The following GABRB2 variants were observed in gnomAD, a reference collection of about 807,000 sequenced individuals.
GABRB2 encodes gamma-aminobutyric acid receptor subunit beta-2.
A neutral mutation model predicts 54.7 loss-of-function variants in GABRB2; 16 were observed. The observed-to-expected ratio is 0.29, with a 90% CI of 0.20 to 0.44. The LOEUF is 0.44. GABRB2 is among the 20% of genes least tolerant of loss of function. The pLI is 1.00. For synonymous variants in GABRB2, 244 were observed against 233.8 expected (o/e 1.04, Z -0.40); for missense variants, 355 against 644.0 (o/e 0.55, Z 4.86).
At chr5:161,307,028 G>T (rs951094820) in intron 9 of GABRB2, among the ~76,000 whole-genome samples, 4 of 152,124 alleles carry the variant, frequency 2.6e-5, no homozygotes, top group African/African-American at 7.2e-5. Flanking sequence ...TCTTACTAGC[G>T]CATGGTTGAT....
chr5:161,393,987 T>A (rs6864191), intron 5 of GABRB2, among the ~76,000 whole-genome samples: 1,775 of 152,144 alleles, frequency 0.012, 12 homozygotes, highest in Non-Finnish European at 0.019. Context: ...AGATGGACAA[T>A]TCTCCATAAA....
intron 3 of GABRB2, among the ~76,000 whole-genome samples, chr5:161,474,541 T>C (rs1048586481): frequency 2.6e-5 from 4 of 151,990 alleles, no homozygotes; most frequent in East Asian, 1.9e-4. Flanking sequence ...ACATTGTATA[T>C]ATACAAGAGG....
At chr5:161,527,932 G>T (rs1452675456) in intron 3 of GABRB2, among the ~76,000 whole-genome samples, 2 of 151,548 alleles carry the variant, frequency 1.3e-5, no homozygotes, top group Non-Finnish European at 3.0e-5. Flanking sequence ...ATGTTCTGGG[G>T]TCCAGTAATC....
chr5:161,318,645 T>C (rs988610245), intron 9 of GABRB2, among the ~76,000 whole-genome samples: 1 of 152,066 alleles, frequency 6.6e-6, no homozygotes, highest in Admixed American at 6.6e-5. Flanking sequence ...AATTCTTCTC[T>C]AAAATTTTTC....
chr5:161,310,536 G>A (rs929098667), intron 9 of GABRB2, among the ~76,000 whole-genome samples: 5 of 152,070 alleles, frequency 3.3e-5, no homozygotes, highest in African/African-American at 7.2e-5. Flanking sequence ...TCATAGGCCA[G>A]ATACATTAAA....
intron 5 of GABRB2, among the ~76,000 whole-genome samples, chr5:161,367,595 C>T (rs1354637607): frequency 6.6e-6 from 1 of 152,092 alleles, no homozygotes; most frequent in African/African-American, 2.4e-5. Flanking sequence ...GTATTTAATT[C>T]CATTTCCCCT....
rs188135128 is a variant in GABRB2, at chr5:161,405,809, A to T, written c.541+5166T>A. Among the ~76,000 whole-genome samples, 10 of 152,190 alleles carry T rather than the reference A, an allele frequency of 6.6e-5. No homozygotes were observed. In the East Asian group the frequency reaches 1.7e-3, roughly 26 times the overall value. On this transcript the variant is annotated intron_variant, in intron 5 of 9. Coordinates refer to ENST00000393959, the MANE Select transcript of GABRB2 (RefSeq NM_001371727.1). Reference sequence around the variant, plus strand: ...TTGTTATAGCAAATTTGGATGTAATACCTCAAATGCTTCAATATATCAATC... The same window carrying T: ...TTGTTATAGCAAATTTGGATGTAATTCCTCAAATGCTTCAATATATCAATC...
intron 3 of GABRB2, among the ~76,000 whole-genome samples, chr5:161,486,797 G>A (rs941870021): frequency 2.0e-5 from 3 of 151,828 alleles, no homozygotes; most frequent in Admixed American, 6.6e-5. Context: ...GCTCAACACT[G>A]GCACTCTTCT....
At position 161,422,666 on chromosome 5, in the gene GABRB2, TA is replaced by T. The variant is rs1756882748; in HGVS notation, c.459-11610del. On this transcript the variant is annotated intron_variant, in intron 4 of 9. Transcript: ENST00000393959. ...ATGCATTTTTCCCTCTAAAAAATGTTATTAAGAGAATTTTCCCTAAGTTTGC... is the reference window on the plus strand; with the variant it reads ...ATGCATTTTTCCCTCTAAAAAATGTTTTAAGAGAATTTTCCCTAAGTTTGC... Among the ~76,000 whole-genome samples the T allele has an allele frequency of 7.2e-5, 11 of 152,336 alleles. No individual in the cohort carries two copies. In the South Asian group the frequency reaches 2.3e-3, roughly 32 times the overall value.
At chr5:161,417,770 T>C (rs775876826) in intron 4 of GABRB2, among the ~76,000 whole-genome samples, 1 of 152,180 alleles carries the variant, frequency 6.6e-6, no homozygotes, top group South Asian at 2.1e-4. Context: ...TTAATATTTT[T>C]CCCTGATTGA....
At chr5:161,407,895 A>G (rs1259474622) in intron 5 of GABRB2, among the ~76,000 whole-genome samples, 1 of 152,016 alleles carries the variant, frequency 6.6e-6, no homozygotes, top group East Asian at 1.9e-4. Flanking sequence ...TAATTCTGCA[A>G]ATCTCAAGAA....
chr5:161,324,780 C>T (rs1424093522), intron 9 of GABRB2, among the ~76,000 whole-genome samples: 1 of 151,936 alleles, frequency 6.6e-6, no homozygotes, highest in South Asian at 2.1e-4. Flanking sequence ...AAAGACATAA[C>T]CAACATAGAA....
chr5:161,294,559 T>A, intron 9 of GABRB2, 131 bp from the exon 10 acceptor site: 1 of 684,064 alleles, frequency 1.5e-6, no homozygotes, highest in Non-Finnish European at 2.4e-6. Flanking sequence ...GCGATTACAT[T>A]ACCAAAGTCT....
chr5:161,547,466 C>T (rs1761022781), upstream of GABRB2, among the ~76,000 whole-genome samples: 1 of 152,070 alleles, frequency 6.6e-6, no homozygotes. Flanking sequence ...ATTTCTTTCT[C>T]CTCTCCTCAC....
chr5:161,363,590 T>C (rs1754884632), intron 5 of GABRB2, among the ~76,000 whole-genome samples: 2 of 152,140 alleles, frequency 1.3e-5, no homozygotes, highest in African/African-American at 2.4e-5. Flanking sequence ...TAGTCCCAGC[T>C]ACTAAGGAGG....
intron 4 of GABRB2, among the ~76,000 whole-genome samples, chr5:161,432,526 A>T (rs1757198590): frequency 6.6e-6 from 1 of 152,194 alleles, no homozygotes; most frequent in South Asian, 2.1e-4. Flanking sequence ...GGTACTCTAA[A>T]ATTCTGGGAG....
intron 3 of GABRB2, among the ~76,000 whole-genome samples, chr5:161,499,569 C>T (rs1759363095): frequency 6.6e-6 from 1 of 152,126 alleles, no homozygotes; most frequent in Non-Finnish European, 1.5e-5. Context: ...CTGGATATCA[C>T]CAATACCATA....
intron 4 of GABRB2, among the ~76,000 whole-genome samples, chr5:161,442,526 G>A (rs1218533435): frequency 6.6e-6 from 1 of 152,088 alleles, no homozygotes; most frequent in East Asian, 1.9e-4. Flanking sequence ...ACAGCATCAG[G>A]GATCTCCTCT....
intron 3 of GABRB2, among the ~76,000 whole-genome samples, chr5:161,516,725 T>C (rs932007703): frequency 1.6e-4 from 25 of 152,320 alleles, no homozygotes; most frequent in African/African-American, 6.0e-4. Context: ...TTTCACCAAA[T>C]GCTCATACTG....
Sources: allele counts gnomAD v4.1 joint callset (sites outside exome capture counted in the v4.1 genomes callset), GRCh38; gene constraint gnomAD v4.1.1; transcripts MANE v1.5; gene names NCBI Gene and HGNC (gene_info 2026-07-23, HGNC 2026-07-21).